The following SMYD3 variants were observed in gnomAD, a reference collection of about 807,000 sequenced individuals.
The protein encoded by SMYD3 is histone-lysine N-methyltransferase SMYD3.
Under a neutral mutation model 57.7 loss-of-function variants are expected in SMYD3, and 36 were observed. The ratio of observed to expected loss-of-function variants is 0.62; its 90% confidence interval spans 0.48 to 0.82. The LOEUF (loss-of-function observed/expected upper bound fraction) is 0.82, where lower values mean the gene tolerates loss of function less well. Ranked by LOEUF, SMYD3 falls within the 40% of genes least tolerant of loss-of-function variation. The pLI, the probability that SMYD3 is intolerant of heterozygous loss-of-function variation, is 0.00. For synonymous variants in SMYD3, 211 were observed against 195.0 expected (o/e 1.08, Z -0.68); for missense variants, 515 against 538.8 (o/e 0.96, Z 0.44).
In SMYD3 at chr1:246,301,134, C is replaced by T. The variant is rs1572354510; in HGVS notation, c.531+26067G>A. Among the ~76,000 whole-genome samples, 3 of 151,914 alleles carry T rather than the reference C, an allele frequency of 2.0e-5. No homozygotes were observed. In the East Asian group the frequency reaches 5.8e-4, roughly 29 times the overall value. ...ATGGAAGACTAATGAAGAGCAAAAC[C>T]CAAATCTGCCTATTAAGCATAAATG... On this transcript the variant is annotated intron_variant, in intron 5 of 11. Transcript: ENST00000490107.
intron 5 of SMYD3, among the ~76,000 whole-genome samples, chr1:246,156,164 T>C (rs1411007309): frequency 6.6e-6 from 1 of 152,140 alleles, no homozygotes; most frequent in Admixed American, 6.5e-5. Flanking sequence ...GCAAAAAGAC[T>C]TCCTTGGGCC....
chr1:245,964,726 G>A (rs1255655894), intron 5 of SMYD3, among the ~76,000 whole-genome samples: 2 of 150,792 alleles, frequency 1.3e-5, no homozygotes, highest in Non-Finnish European at 2.9e-5. Flanking sequence ...ACACAACTGA[G>A]GAAAAATCTC....
At chr1:246,254,445 T>C (rs2063846945) in intron 5 of SMYD3, among the ~76,000 whole-genome samples, 1 of 152,214 alleles carries the variant, frequency 6.6e-6, no homozygotes, top group African/African-American at 2.4e-5. Context: ...CAGATGGCTG[T>C]AGGTGTATGG....
intron 5 of SMYD3, among the ~76,000 whole-genome samples, chr1:246,252,552 A>T (rs559242014): frequency 1.5e-4 from 22 of 147,116 alleles, no homozygotes; most frequent in African/African-American, 4.6e-4. Flanking sequence ...TTTCTGTTTA[A>T]AAAAAAATCC....
At chr1:246,096,084 T>C (rs1039249180) in intron 5 of SMYD3, among the ~76,000 whole-genome samples, 4 of 152,172 alleles carry the variant, frequency 2.6e-5, no homozygotes, top group Admixed American at 2.6e-4. Context: ...TGCAATTCTG[T>C]GAGAACAGAG....
chr1:246,438,314 T>C (rs1264512608), intron 1 of SMYD3, among the ~76,000 whole-genome samples: 1 of 152,224 alleles, frequency 6.6e-6, no homozygotes, highest in Non-Finnish European at 1.5e-5. Context: ...TATATATTTC[T>C]TCCTGCAAAT....
At chr1:246,442,557 AT>A (rs1381670175) in intron 1 of SMYD3, among the ~76,000 whole-genome samples, 1 of 151,568 alleles carries the variant, frequency 6.6e-6, no homozygotes, top group Non-Finnish European at 1.5e-5. Context: ...TCAAAAAAAA[AT>A]AAAATAATAA....
intron 7 of SMYD3, among the ~76,000 whole-genome samples, chr1:245,922,975 C>T (rs1030642419): frequency 2.0e-5 from 3 of 152,094 alleles, no homozygotes; most frequent in Middle Eastern, 3.2e-3. Context: ...ACCTATTAGG[C>T]TTCATCTATT....
chr1:246,068,845 C>T (rs1373981105), intron 5 of SMYD3, among the ~76,000 whole-genome samples: 1 of 152,160 alleles, frequency 6.6e-6, no homozygotes, highest in Non-Finnish European at 1.5e-5. Flanking sequence ...AGCCATCAAT[C>T]CAGAATTACC....
At chr1:246,148,065 G>A (rs920418603) in intron 5 of SMYD3, among the ~76,000 whole-genome samples, 28 of 151,864 alleles carry the variant, frequency 1.8e-4, no homozygotes, top group African/African-American at 4.8e-4. Context: ...GGCAGTCCCC[G>A]TAAGGCCCCT....
chr1:246,502,103 A>G (rs2103078591), intron 1 of SMYD3, among the ~76,000 whole-genome samples: 1 of 149,046 alleles, frequency 6.7e-6, no homozygotes, highest in Middle Eastern at 3.5e-3. Flanking sequence ...GCCTGGTCAC[A>G]TTTACTCACA....
intron 10 of SMYD3, among the ~76,000 whole-genome samples, chr1:245,798,035 G>A (rs1173518650): frequency 6.6e-6 from 1 of 152,096 alleles, no homozygotes; most frequent in East Asian, 1.9e-4. Flanking sequence ...CGGCATCAAC[G>A]TCCAGTGTGT....
intron 8 of SMYD3, among the ~76,000 whole-genome samples, chr1:245,882,268 C>T (rs755208309): frequency 3.3e-5 from 5 of 152,240 alleles, no homozygotes; most frequent in Middle Eastern, 3.4e-3. Context: ...CATTCTGGCA[C>T]GCTGCTTGGG....
At chr1:246,127,184 G>A (rs6659308) in intron 5 of SMYD3, among the ~76,000 whole-genome samples, 2,306 of 152,138 alleles carry the variant, frequency 0.015, 65 homozygotes, top group African/African-American at 0.054. Context: ...AACTCTGAAA[G>A]GGCAGCTTTT....
At chr1:245,949,252 T>C (rs2057532603) in intron 5 of SMYD3, among the ~76,000 whole-genome samples, 1 of 152,096 alleles carries the variant, frequency 6.6e-6, no homozygotes. Flanking sequence ...TGCCTAGACT[T>C]GCTAACGTGG....
chr1:246,091,980 A>G (rs1451939370), intron 5 of SMYD3, among the ~76,000 whole-genome samples: 1 of 152,224 alleles, frequency 6.6e-6, no homozygotes, highest in African/African-American at 2.4e-5. Flanking sequence ...AGACACAGAA[A>G]TCTGGATATG....
chr1:245,956,090 T>C, intron 5 of SMYD3: 1 of 980,032 alleles, frequency 1.0e-6, no homozygotes, highest in Non-Finnish European at 1.2e-6. Context: ...TTTTCTATTT[T>C]TTCATTTTTC....
intron 5 of SMYD3, among the ~76,000 whole-genome samples, chr1:246,006,350 C>T (rs937418706): frequency 1.3e-5 from 2 of 152,126 alleles, no homozygotes; most frequent in South Asian, 2.1e-4. Context: ...AGGGGAGACA[C>T]GGGTGGTGAG....
At chr1:246,027,708 C>A (rs973136809) in intron 5 of SMYD3, among the ~76,000 whole-genome samples, 7 of 152,224 alleles carry the variant, frequency 4.6e-5, no homozygotes, top group African/African-American at 1.7e-4. Context: ...TGGAGATGTA[C>A]AAGAAGACGA....
Sources: allele counts gnomAD v4.1 joint callset (sites outside exome capture counted in the v4.1 genomes callset), GRCh38; gene constraint gnomAD v4.1.1; transcripts MANE v1.5; gene names NCBI Gene and HGNC (gene_info 2026-07-23, HGNC 2026-07-21).